The following MGMT variants were observed in gnomAD, a reference collection of about 807,000 sequenced individuals.
The protein encoded by MGMT is methylated-DNA--protein-cysteine methyltransferase.
MGMT carries 14 observed loss-of-function variants against 15.9 expected under a neutral mutation model. That is an observed-to-expected ratio of 0.88 (90% confidence interval 0.58 to 1.37). MGMT has a LOEUF of 1.37. Among genes scored for constraint, MGMT ranks in the 40% most tolerant of loss-of-function variants. MGMT has a pLI of 0.00. For missense variants in MGMT, 282 were observed against 268.1 expected, an observed-to-expected ratio of 1.05 and a Z score of -0.36; for synonymous variants, 130 against 118.2, an observed-to-expected ratio of 1.10 and a Z score of -0.65.
chr10:129,561,665 T>G (rs1241958269), intron 2 of MGMT, among the ~76,000 whole-genome samples: 2 of 152,138 alleles, frequency 1.3e-5, no homozygotes, highest in Non-Finnish European at 2.9e-5. Context: ...TCAGTTCAGT[T>G]TTACCGAGAC....
At chr10:129,627,849 G>A (rs1847168530) in intron 2 of MGMT, among the ~76,000 whole-genome samples, 1 of 152,172 alleles carries the variant, frequency 6.6e-6, no homozygotes, top group Admixed American at 6.5e-5. Context: ...TGTGATTGTG[G>A]GCCAGGAGTT....
intron 2 of MGMT, among the ~76,000 whole-genome samples, chr10:129,543,343 T>C (rs549387267): frequency 6.6e-6 from 1 of 152,326 alleles, no homozygotes; most frequent in East Asian, 1.9e-4. Flanking sequence ...AGGTTTGCTG[T>C]GCTCCTCTGA....
chr10:129,608,441 A>G (rs1846919226), intron 2 of MGMT, among the ~76,000 whole-genome samples: 1 of 152,248 alleles, frequency 6.6e-6, no homozygotes, highest in South Asian at 2.1e-4. Flanking sequence ...CCCACTGTAA[A>G]TCTATAAGTA....
At chr10:129,605,569 G>A (rs1343868309) in intron 2 of MGMT, among the ~76,000 whole-genome samples, 1 of 151,838 alleles carries the variant, frequency 6.6e-6, no homozygotes, top group Admixed American at 6.6e-5. Context: ...CAACATAGTG[G>A]ATCATATTTA....
chr10:129,572,042 A>G (rs1846425671), intron 2 of MGMT, among the ~76,000 whole-genome samples: 1 of 152,180 alleles, frequency 6.6e-6, no homozygotes, highest in Non-Finnish European at 1.5e-5. Flanking sequence ...GGCTTTAATT[A>G]AGCTATAATC....
chr10:129,738,082 C>G (rs1480469676), intron 3 of MGMT, among the ~76,000 whole-genome samples: 1 of 152,226 alleles, frequency 6.6e-6, no homozygotes, highest in Non-Finnish European at 1.5e-5. Context: ...TGGGCTCCAC[C>G]CAGTTCGAGC....
At chr10:129,600,525 G>C (rs373392055) in intron 2 of MGMT, among the ~76,000 whole-genome samples, 7 of 152,340 alleles carry the variant, frequency 4.6e-5, no homozygotes, top group African/African-American at 1.7e-4. Context: ...GCCGACTGTG[G>C]AGCCATTTCT....
chr10:129,645,035 T>C (rs560061735), intron 2 of MGMT, among the ~76,000 whole-genome samples: 1 of 152,180 alleles, frequency 6.6e-6, no homozygotes, highest in Non-Finnish European at 1.5e-5. Flanking sequence ...GGGTTTTCTT[T>C]ACATAGAAAT....
At chr10:129,754,702 G>A (rs564406535) in intron 3 of MGMT, among the ~76,000 whole-genome samples, 3 of 152,282 alleles carry the variant, frequency 2.0e-5, no homozygotes, top group South Asian at 2.1e-4. Flanking sequence ...GGGCCACCCC[G>A]TGGTGGAAGG....
intron 1 of MGMT, among the ~76,000 whole-genome samples, chr10:129,474,170 G>C (rs1161554620): frequency 6.6e-6 from 1 of 152,226 alleles, no homozygotes; most frequent in African/African-American, 2.4e-5. Context: ...GCTAGCCAGT[G>C]GGGCCAGGGC....
At chr10:129,479,340 C>A (rs1192496789) in intron 1 of MGMT, among the ~76,000 whole-genome samples, 1 of 151,882 alleles carries the variant, frequency 6.6e-6, no homozygotes, top group Non-Finnish European at 1.5e-5. Context: ...ATTGAAAAAC[C>A]CAATTGTACA....
chr10:129,649,488 A>G (rs1847432814), intron 2 of MGMT, among the ~76,000 whole-genome samples: 1 of 152,204 alleles, frequency 6.6e-6, no homozygotes, highest in Admixed American at 6.5e-5. Flanking sequence ...TGTCAGTGGT[A>G]TTAGGGCGAT....
At chr10:129,547,407 C>T (rs1170827843) in intron 2 of MGMT, among the ~76,000 whole-genome samples, 1 of 152,178 alleles carries the variant, frequency 6.6e-6, no homozygotes, top group African/African-American at 2.4e-5. Context: ...ACAAAACACA[C>T]ACATGCAAAT....
rs984322098 is a variant in MGMT at position 129,757,335 on chromosome 10, G to T, written c.275-1867G>T. Among the ~76,000 whole-genome samples, 21 of 152,344 alleles carry T rather than the reference G, an allele frequency of 1.4e-4. 1 individual carries two copies. The highest frequency in any genetic ancestry group is 5.8e-4 in the East Asian group (3 of 5,188). ...CAGCACTCAAGGCTGGCGCTCAGAT[G>T]AGGCCCTTGGAACCATGCCATTGTT... On this transcript the variant is annotated intron_variant, in intron 3 of 4. Coordinates refer to ENST00000651593, the MANE Select transcript of MGMT (RefSeq NM_002412.5).
intron 1 of MGMT, among the ~76,000 whole-genome samples, chr10:129,524,285 A>C (rs188672266): frequency 2.4e-4 from 36 of 152,216 alleles, no homozygotes; most frequent in African/African-American, 7.7e-4. Context: ...AACAAACAAA[A>C]ACAACTTGTA....
At chr10:129,625,392 G>A (rs1223771727) in intron 2 of MGMT, among the ~76,000 whole-genome samples, 1 of 152,166 alleles carries the variant, frequency 6.6e-6, no homozygotes, top group African/African-American at 2.4e-5. Context: ...ACACCAAGAT[G>A]CCAAGATGTG....
chr10:129,585,562 T>C (rs1846608774), intron 2 of MGMT, among the ~76,000 whole-genome samples: 1 of 152,198 alleles, frequency 6.6e-6, no homozygotes, highest in African/African-American at 2.4e-5. Flanking sequence ...AGAGACACCC[T>C]CCCATATTTT....
At position 129,698,026 on chromosome 10, in the gene MGMT, ACGTTGACTCTC is replaced by A. The variant is rs1848052135; in HGVS notation, c.126-9867_126-9857del. Among the ~76,000 whole-genome samples the A allele has an allele frequency of 2.0e-5, 3 of 152,162 alleles. No homozygotes were observed. In the South Asian group the frequency reaches 6.2e-4, roughly 32 times the overall value. ...CTGTTGTCCCCTTTTGTGGACGTGG[ACGTTGACTCTC>A]CATGTCTGGTCTGTGCAGGAAAGAG... On this transcript the variant is annotated intron_variant, in intron 2 of 4. Coordinates refer to ENST00000651593, the MANE Select transcript of MGMT (RefSeq NM_002412.5).
At chr10:129,512,635 CTTACTA>C (rs965160261) in intron 1 of MGMT, among the ~76,000 whole-genome samples, 1 of 152,320 alleles carries the variant, frequency 6.6e-6, no homozygotes, top group African/African-American at 2.4e-5. Flanking sequence ...CTAAACAACT[CTTACTA>C]TTAAGTGTTT....
Sources: allele counts gnomAD v4.1 joint callset (sites outside exome capture counted in the v4.1 genomes callset), GRCh38; gene constraint gnomAD v4.1.1; transcripts MANE v1.5; gene names NCBI Gene and HGNC (gene_info 2026-07-23, HGNC 2026-07-21).